Variants in C1QTNF3 observed in about 807,000 individuals in gnomAD.
C1QTNF3 encodes the protein complement C1q tumor necrosis factor-related protein 3.
In C1QTNF3, 26 loss-of-function variants were observed where a neutral mutation model predicts 32.6. That is an observed-to-expected ratio of 0.80 (90% confidence interval 0.58 to 1.11). The LOEUF (loss-of-function observed/expected upper bound fraction) is 1.11. Ranked by LOEUF, C1QTNF3 falls within the 50% of genes least tolerant of loss-of-function variation. The probability of loss-of-function intolerance (pLI) is 0.00; values close to 1 mark genes in which losing one functional copy is unlikely to be tolerated. For missense variants in C1QTNF3, 362 were observed against 398.2 expected, an observed-to-expected ratio of 0.91 and a Z score of 0.77; for synonymous variants, 155 against 146.0, an observed-to-expected ratio of 1.06 and a Z score of -0.44.
chr5:34,079,690 C>A, the C1QTNF3 span, among the ~76,000 whole-genome samples: 108 of 151,712 alleles, frequency 7.1e-4, no homozygotes, highest in Non-Finnish European at 1.4e-3. Context: ...CACAGACAGA[C>A]AAAATCTACA....
At chr5:34,139,945 T>C in the C1QTNF3 span, among the ~76,000 whole-genome samples, 1 of 152,214 alleles carries the variant, frequency 6.6e-6, no homozygotes, top group Non-Finnish European at 1.5e-5. Flanking sequence ...AGCTGGGACA[T>C]AAATCTAGTA....
intron 2 of C1QTNF3, 26 bp from the exon 3 acceptor site, chr5:34,033,484 G>A (rs1382634832): frequency 1.9e-6 from 3 of 1,614,040 alleles, no homozygotes; most frequent in Admixed American, 3.3e-5. Flanking sequence ...ATCATCACAT[G>A]AGAAAACCCA....
chr5:34,071,789 T>C, the C1QTNF3 span, among the ~76,000 whole-genome samples: 6 of 151,944 alleles, frequency 3.9e-5, no homozygotes, highest in Non-Finnish European at 7.4e-5. Context: ...GAAAGAAATA[T>C]TGCTGAGAAA....
At chr5:34,068,620 C>A in the C1QTNF3 span, among the ~76,000 whole-genome samples, 2 of 151,932 alleles carry the variant, frequency 1.3e-5, no homozygotes, top group East Asian at 3.9e-4. Context: ...TAAACAAATG[C>A]AAATTTCCAT....
the C1QTNF3 span, among the ~76,000 whole-genome samples, chr5:34,076,301 A>T: frequency 6.6e-6 from 1 of 151,526 alleles, no homozygotes. Flanking sequence ...ACCACAATTA[A>T]TTTTTTTTAA....
chr5:34,242,403 A>C, the C1QTNF3 span, among the ~76,000 whole-genome samples: 45 of 152,298 alleles, frequency 3.0e-4, no homozygotes, highest in South Asian at 8.9e-3. Flanking sequence ...AAAAACAAAC[A>C]ATGGGGAAAA....
chr5:34,164,202 A>G, the C1QTNF3 span, among the ~76,000 whole-genome samples: 1 of 152,168 alleles, frequency 6.6e-6, no homozygotes, highest in Non-Finnish European at 1.5e-5. Context: ...GGTGGACTCC[A>G]GAGTCCTGAA....
the C1QTNF3 span, among the ~76,000 whole-genome samples, chr5:34,230,439 G>T: frequency 2.0e-5 from 3 of 152,080 alleles, no homozygotes; most frequent in East Asian, 3.8e-4. Flanking sequence ...GATGGTCAAT[G>T]ATATGCCCCA....
At chr5:34,106,363 TTG>T in the C1QTNF3 span, 4 of 151,958 alleles carry the variant, frequency 2.6e-5, no homozygotes. Context: ...TAAGAATTCA[TTG>T]TCAGAGGCAA....
chr5:34,173,790 T>C, the C1QTNF3 span, among the ~76,000 whole-genome samples: 1 of 147,762 alleles, frequency 6.8e-6, no homozygotes, highest in African/African-American at 2.5e-5. Context: ...TGCTATAGTT[T>C]AGGACACTAG....
chr5:34,021,954 T>C (rs537960026), intron 5 of C1QTNF3, among the ~76,000 whole-genome samples: 1 of 152,192 alleles, frequency 6.6e-6, no homozygotes, highest in Non-Finnish European at 1.5e-5. Context: ...AGACTACTCA[T>C]TCAATCAAGT....
At chr5:34,198,265 A>C in the C1QTNF3 span, among the ~76,000 whole-genome samples, 1 of 133,672 alleles carries the variant, frequency 7.5e-6, no homozygotes, top group South Asian at 2.2e-4. Context: ...TAAATAAATA[A>C]AAATAAAAAT....
the C1QTNF3 span, among the ~76,000 whole-genome samples, chr5:34,102,739 G>A: frequency 2.0e-5 from 3 of 152,216 alleles, no homozygotes; most frequent in South Asian, 2.1e-4. Flanking sequence ...GCAAACTATC[G>A]CAAGGACAAA....
chr5:34,225,862 G>A, the C1QTNF3 span, among the ~76,000 whole-genome samples: 23 of 151,874 alleles, frequency 1.5e-4, no homozygotes, highest in African/African-American at 5.5e-4. Flanking sequence ...CAGGTTCAAT[G>A]TAATACATGC....
chr5:34,090,125 A>C, the C1QTNF3 span, among the ~76,000 whole-genome samples: 1 of 151,962 alleles, frequency 6.6e-6, no homozygotes, highest in Non-Finnish European at 1.5e-5. Context: ...TACTTGTAAA[A>C]ATTGCTTATG....
the C1QTNF3 span, among the ~76,000 whole-genome samples, chr5:34,085,841 G>A: frequency 2.0e-5 from 3 of 151,652 alleles, no homozygotes; most frequent in African/African-American, 7.3e-5. Flanking sequence ...ACTGTTGGTG[G>A]GAGTGTAAAT....
At chr5:34,129,176 C>T in the C1QTNF3 span, among the ~76,000 whole-genome samples, 1 of 152,252 alleles carries the variant, frequency 6.6e-6, no homozygotes, top group South Asian at 2.1e-4. Context: ...TGTCTTTTGC[C>T]ATGATTGTAC....
At chr5:34,070,855 G>T in the C1QTNF3 span, among the ~76,000 whole-genome samples, 2 of 151,968 alleles carry the variant, frequency 1.3e-5, no homozygotes, top group African/African-American at 4.8e-5. Flanking sequence ...GCTAAAATGC[G>T]GTATTCATTC....
the C1QTNF3 span, among the ~76,000 whole-genome samples, chr5:34,134,116 T>C: frequency 6.6e-6 from 1 of 152,158 alleles, no homozygotes; most frequent in Admixed American, 6.5e-5. Context: ...TAAGACAATA[T>C]TTATTTTTTA....
Sources: allele counts gnomAD v4.1 joint callset (sites outside exome capture counted in the v4.1 genomes callset), GRCh38; gene constraint gnomAD v4.1.1; transcripts MANE v1.5; gene names NCBI Gene and HGNC (gene_info 2026-07-23, HGNC 2026-07-21).